CERT1: variants seen among roughly 807,000 people sequenced by gnomAD.
The protein encoded by CERT1 is ceramide transfer protein.
Under a neutral mutation model 87.9 loss-of-function variants are expected in CERT1, and 31 were observed. That is an observed-to-expected ratio of 0.35 (90% CI 0.27 to 0.48). CERT1 has a LOEUF of 0.48. Among genes scored for constraint, CERT1 ranks in the 20% least tolerant of loss-of-function variants. CERT1 has a pLI of 0.99. For missense variants in CERT1, 487 were observed against 758.0 expected, an observed-to-expected ratio of 0.64 and a Z score of 4.20; for synonymous variants, 289 against 250.9, an observed-to-expected ratio of 1.15 and a Z score of -1.44.
In CERT1 at chr5:75,410,703, T is replaced by TAA. The variant is rs57976408; in HGVS notation, c.930+306_930+307dup. 308 of 149,604 alleles carry TAA rather than the reference T, an allele frequency of 2.1e-3. 3 individuals are homozygous for TAA. The highest frequency in any genetic ancestry group is 4.7e-3 in the African/African-American group (184 of 38,878). 9.3% of individuals were successfully genotyped at this position (149,604 alleles called of 1,614,324 possible). A position where few individuals can be genotyped will look rare whatever the true frequency, so the allele number is the denominator to read the frequency against. On this transcript the variant is annotated intron_variant, in intron 8 of 16. Coordinates refer to ENST00000643780, the MANE Select transcript of CERT1 (RefSeq NM_001379029.1). Reference sequence around the variant, plus strand: ...TTTCCTTTATAGTTTGCTTTTATGTTAAAAAAAAAAAAAAAGTAGATAACA... The same window carrying TAA: ...TTTCCTTTATAGTTTGCTTTTATGTTAAAAAAAAAAAAAAAAAGTAGATAACA...
intron 3 of CERT1, among the ~76,000 whole-genome samples, chr5:75,444,544 T>C (rs1432636427): frequency 1.3e-5 from 2 of 148,374 alleles, no homozygotes; most frequent in Admixed American, 6.6e-5. Context: ...TTTGCTTTTC[T>C]TTTCTTTTTT....
intron 8 of CERT1, chr5:75,410,776 G>A (rs925096023): frequency 3.3e-5 from 9 of 272,022 alleles, no homozygotes; most frequent in African/African-American, 4.4e-5. Flanking sequence ...GTCCTATCAA[G>A]TGAACAGGCC....
intron 17 of CERT1, chr5:75,370,088 C>A (rs182163616): frequency 4.1e-4 from 63 of 152,248 alleles, no homozygotes; most frequent in African/African-American, 1.4e-3. Flanking sequence ...TTAAAAGTGC[C>A]CTAGAAAATC....
At chr5:75,420,258 G>GT (rs1334535392) in intron 5 of CERT1, among the ~76,000 whole-genome samples, 4 of 152,028 alleles carry the variant, frequency 2.6e-5, no homozygotes, top group African/African-American at 9.7e-5. Flanking sequence ...GATTACAGGT[G>GT]TGAGTGACCA....
intron 2 of CERT1, among the ~76,000 whole-genome samples, chr5:75,483,047 C>A (rs544345668): frequency 1.2e-4 from 18 of 152,266 alleles, no homozygotes; most frequent in African/African-American, 3.6e-4. Flanking sequence ...CTAAGTAAGG[C>A]ACCAGTGATA....
chr5:75,452,129 A>C (rs150369560), intron 3 of CERT1, among the ~76,000 whole-genome samples: 48 of 152,350 alleles, frequency 3.2e-4, no homozygotes, highest in African/African-American at 1.1e-3. Flanking sequence ...TCACACATGA[A>C]TTTGGCCTTC....
At chr5:75,442,547 G>C (rs911557547) in intron 3 of CERT1, among the ~76,000 whole-genome samples, 1 of 152,170 alleles carries the variant, frequency 6.6e-6, no homozygotes, top group African/African-American at 2.4e-5. Flanking sequence ...GGTCAGTGTT[G>C]TGTTTCTAGG....
chr5:75,509,705 A>G (rs1354892166), intron 1 of CERT1, among the ~76,000 whole-genome samples: 2 of 152,194 alleles, frequency 1.3e-5, no homozygotes, highest in Non-Finnish European at 2.9e-5. Context: ...TCACAATACT[A>G]ATATGGCAGT....
chr5:75,421,327 A>G (rs1031461500), intron 5 of CERT1, among the ~76,000 whole-genome samples: 1 of 152,182 alleles, frequency 6.6e-6, no homozygotes, highest in Non-Finnish European at 1.5e-5. Flanking sequence ...ACCATGGAAA[A>G]TCTTCTGTAC....
At chr5:75,419,494 C>T in intron 5 of CERT1, 70 bp from the exon 6 acceptor site, 1 of 1,039,844 alleles carries the variant, frequency 9.6e-7, no homozygotes, top group Middle Eastern at 2.0e-4. Context: ...TTATGTTCAA[C>T]TGAGTCATTT....
Position 75,511,356 on chromosome 5 carries a change from C to T in CERT1, c.-149G>A. On this transcript the variant is annotated 5_prime_UTR_variant, in exon 1 of 17. Coordinates refer to ENST00000643780, the MANE Select transcript of CERT1 (RefSeq NM_001379029.1). ...GGGGAGCAGGAGGAGGGACGAAGTC[C>T]GCCCGCCGCGCCGCCGCCGCGCCTG... The T allele has an allele frequency of 6.5e-7, 1 of 1,541,962 alleles. No homozygotes were observed. The highest frequency in any genetic ancestry group is 8.7e-7 in the Non-Finnish European group (1 of 1,145,700).
intron 8 of CERT1, among the ~76,000 whole-genome samples, chr5:75,405,022 C>T (rs1762648297): frequency 6.6e-6 from 1 of 151,784 alleles, no homozygotes; most frequent in African/African-American, 2.4e-5. Flanking sequence ...TCTCAAACAA[C>T]AACAACAACA....
intron 2 of CERT1, among the ~76,000 whole-genome samples, chr5:75,468,707 A>C (rs955775436): frequency 6.6e-6 from 1 of 152,150 alleles, no homozygotes; most frequent in Non-Finnish European, 1.5e-5. Flanking sequence ...TGTTATACTG[A>C]CCATGGTAAT....
intron 2 of CERT1, among the ~76,000 whole-genome samples, chr5:75,480,525 C>T (rs7718634): frequency 0.044 from 6,737 of 152,260 alleles, 481 homozygotes; most frequent in African/African-American, 0.15. Context: ...TAAACTCACA[C>T]GCATACATGC....
intron 2 of CERT1, among the ~76,000 whole-genome samples, chr5:75,495,702 A>T (rs976191841): frequency 1.3e-5 from 2 of 152,256 alleles, no homozygotes; most frequent in African/African-American, 4.8e-5. Flanking sequence ...ACTTTAAACA[A>T]CAGAGTGCCA....
chr5:75,460,024 G>A (rs1034543590), intron 2 of CERT1, among the ~76,000 whole-genome samples: 2 of 146,054 alleles, frequency 1.4e-5, no homozygotes, highest in Admixed American at 6.9e-5. Context: ...GGCTGGTCTC[G>A]AACTCCTGGC....
chr5:75,431,845 T>C (rs553129743), intron 3 of CERT1, among the ~76,000 whole-genome samples: 1 of 152,296 alleles, frequency 6.6e-6, no homozygotes, highest in Admixed American at 6.5e-5. Flanking sequence ...ATTCCATGTT[T>C]TTGCTATTGT....
chr5:75,479,755 A>C (rs1766143028), intron 2 of CERT1, among the ~76,000 whole-genome samples: 2 of 151,948 alleles, frequency 1.3e-5, no homozygotes, highest in South Asian at 4.2e-4. Flanking sequence ...TGAACATTCG[A>C]GTGCATGTGT....
intron 12 of CERT1, among the ~76,000 whole-genome samples, chr5:75,388,625 T>C (rs1580701773): frequency 9.5e-6 from 1 of 105,794 alleles, no homozygotes; most frequent in East Asian, 3.5e-4. Flanking sequence ...TATATATATA[T>C]ATATATATAT....
Sources: allele counts gnomAD v4.1 joint callset (sites outside exome capture counted in the v4.1 genomes callset), GRCh38; gene constraint gnomAD v4.1.1; transcripts MANE v1.5; gene names NCBI Gene and HGNC (gene_info 2026-07-23, HGNC 2026-07-21).